The following TKT variants were observed in gnomAD, a reference collection of about 807,000 sequenced individuals.
TKT encodes the protein transketolase.
TKT carries 47 observed loss-of-function variants against 63.9 expected under a neutral mutation model. The observed-to-expected ratio is 0.74, with a 90% CI of 0.58 to 0.94. The LOEUF (loss-of-function observed/expected upper bound fraction) is 0.94, where lower values mean the gene tolerates loss of function less well. TKT is among the 40% of genes least tolerant of loss of function. The pLI is 0.00. For missense variants in TKT, 721 were observed against 846.2 expected (o/e 0.85, Z 1.84); for synonymous variants, 338 against 334.1 (o/e 1.01, Z -0.13).
chr3:53,226,082 G>GT (rs138972486), intron 13 of TKT, 151 bp from the exon 14 acceptor site: 105,908 of 636,620 alleles, frequency 0.17, 8,835 homozygotes, highest in South Asian at 0.24. Context: ...ATAACTCATT[G>GT]ATTTTTTTTA....
intron 5 of TKT, 120 bp downstream of exon 5, chr3:53,234,862 AG>A (rs1168230270): frequency 2.0e-6 from 2 of 997,366 alleles, no homozygotes; most frequent in Non-Finnish European, 2.8e-6. Flanking sequence ...TGCTAAAGAA[AG>A]GGACCTTTAG....
intron 12 of TKT, 58 bp from the exon 13 acceptor site, chr3:53,226,936 T>C (rs1377764159): frequency 2.5e-5 from 39 of 1,546,876 alleles, no homozygotes; most frequent in Non-Finnish European, 3.2e-5. Flanking sequence ...CTATCTGCCC[T>C]GGTGGGGGCC....
rs200391494 is a variant in TKT at position 53,228,090 on chromosome 3, G to C, written c.1539C>G (p.His513Gln). The change falls in exon 12 of 14, where the codon CAC (histidine) becomes CAG (glutamine). Residue 513 changes from histidine to glutamine, a missense_variant. Transcript: ENST00000462138. The part of the protein sequence containing the change: ...VTVIGAGVTL[H>Q]EALAAAELLK... ...GCAGTTCGGCAGCGGCCAAGGCCTC[G>C]TGCAGGGTCACCCCAGCCCCGATAA... 113 of 1,613,446 alleles carry C rather than the reference G, an allele frequency of 7.0e-5. No homozygotes were observed. The East Asian group carries it at 1.6e-3, about 24-fold the overall frequency.
intron 1 of TKT, among the ~76,000 whole-genome samples, chr3:53,244,765 G>GAC (rs1705433702): frequency 6.6e-6 from 1 of 152,004 alleles, no homozygotes; most frequent in East Asian, 1.9e-4. Context: ...TGCTGTGTGT[G>GAC]ACAACTCTGG....
In TKT at chr3:53,247,871, C is replaced by T. The variant is rs113389929; in HGVS notation, c.108-5629G>A. ...TCTAAAATAGCTCTTCTTCCCCTCA[C>T]TCATGCTTGCCACCTGACATTAGGT... On this transcript the variant is annotated intron_variant, in intron 1 of 13. Coordinates refer to ENST00000462138, the MANE Select transcript of TKT (RefSeq NM_001064.4). Among the ~76,000 whole-genome samples, 784 of 152,220 alleles carry T rather than the reference C, an allele frequency of 5.2e-3. 10 individuals are homozygous for T. The highest frequency in any genetic ancestry group is 0.018 in the African/African-American group (738 of 41,518).
intron 12 of TKT, chr3:53,227,199 A>C (rs1479234252): frequency 8.0e-6 from 2 of 250,598 alleles, no homozygotes; most frequent in Admixed American, 1.0e-4. Context: ...AAAACACCCC[A>C]GGTGTCTGGC....
rs139845255 is a variant in TKT, at chr3:53,240,262, G to A, written c.426C>T (p.Phe142=). The change falls in exon 4 of 14, where the codon TTC becomes TTT. Residue 142 remains phenylalanine (F), a synonymous_variant. Transcript: ENST00000462138. The part of the protein sequence containing the change: ...ACGMAYTGKY[F]DKASYRVYCL... Reference sequence around the variant, plus strand: ...AGTAGGTGTGTTACCTGGCCTTGTCGAAGTATTTGCCGGTGTAGGCCATCC... The same window carrying A: ...AGTAGGTGTGTTACCTGGCCTTGTCAAAGTATTTGCCGGTGTAGGCCATCC... 1.4e-5 allele frequency: 23 copies of A among 1,612,618 alleles called. No individual in the cohort carries two copies. Among genetic ancestry groups the A allele is most frequent in the African/African-American group, 8.0e-5 (6 of 75,050 alleles).
rs569259695 is a variant in TKT at position 53,224,828 on chromosome 3, G to C, written c.*928C>G. On this transcript the variant is annotated 3_prime_UTR_variant, in exon 14 of 14. Transcript: ENST00000462138. ...TTTCCTGGGGACTCCACCAGTGGCC[G>C]GGGCACCCAGCCCTCCTCCCCCAGC... 1 of 152,488 alleles carries C rather than the reference G, an allele frequency of 6.6e-6. No homozygotes were observed. The highest frequency in any genetic ancestry group is 2.4e-5 in the African/African-American group (1 of 41,458). 9.4% of individuals were successfully genotyped at this position (152,488 alleles called of 1,614,324 possible).
At chr3:53,241,385 C>G (rs970980612) in intron 2 of TKT, 140 bp from the exon 3 acceptor site, 13 of 671,882 alleles carry the variant, frequency 1.9e-5, no homozygotes, top group Non-Finnish European at 3.2e-5. Flanking sequence ...CAAGTGAAGG[C>G]CACTTCTCCC....
chr3:53,236,715 C>T (rs941456690), intron 4 of TKT, among the ~76,000 whole-genome samples: 6 of 152,190 alleles, frequency 3.9e-5, no homozygotes, highest in Non-Finnish European at 7.3e-5. Flanking sequence ...GAAGTCGAAC[C>T]GAGGCTAGCA....
At chr3:53,226,024 G>A in intron 13 of TKT, 93 bp from the exon 14 acceptor site, 2 of 1,245,514 alleles carry the variant, frequency 1.6e-6, no homozygotes. Context: ...GGATGGAGGA[G>A]GCTGCATATG....
At chr3:53,247,150 A>G (rs1458182363) in intron 1 of TKT, among the ~76,000 whole-genome samples, 20 of 151,810 alleles carry the variant, frequency 1.3e-4, no homozygotes, top group African/African-American at 4.8e-4. Flanking sequence ...TGAGGTCAGG[A>G]GTCTGAGACC....
chr3:53,234,570 C>T (rs1264712425), intron 5 of TKT: 1 of 155,842 alleles, frequency 6.4e-6, no homozygotes, highest in Non-Finnish European at 1.4e-5. Flanking sequence ...GCCTGTTCCT[C>T]CTCCCCAGGC....
chr3:53,225,935 G>C lies in TKT; in HGVS notation c.1697-4C>G, dbSNP rs1553675387. The C allele has an allele frequency of 6.2e-7, 1 of 1,603,996 alleles. No individual in the cohort carries two copies. The highest frequency in any genetic ancestry group is 1.1e-5 in the South Asian group (1 of 90,462). Reference sequence around the variant, plus strand: ...GACACAGCCTCACCAATGCCACCTAGAAATGAAAGGAGGGGAGTCAGAAGA... The same window carrying C: ...GACACAGCCTCACCAATGCCACCTACAAATGAAAGGAGGGGAGTCAGAAGA... On this transcript the variant is annotated splice_polypyrimidine_tract_variant and splice_region_variant and intron_variant, in intron 13 of 13. Coordinates refer to ENST00000462138, the MANE Select transcript of TKT (RefSeq NM_001064.4).
At chr3:53,240,182 G>A in intron 4 of TKT, 69 bp downstream of exon 4, 4 of 1,458,720 alleles carry the variant, frequency 2.7e-6, no homozygotes, top group Non-Finnish European at 2.9e-6. Context: ...GGGCGATGGT[G>A]AAGGGTGGGT....
At chr3:53,254,557 A>T (rs1418109589) in intron 1 of TKT, among the ~76,000 whole-genome samples, 1 of 152,224 alleles carries the variant, frequency 6.6e-6, no homozygotes, top group Non-Finnish European at 1.5e-5. Flanking sequence ...AGAAGCCAGA[A>T]TCTTGTCTGT....
chr3:53,234,962 A>G (rs966833148), intron 5 of TKT, 21 bp downstream of exon 5: 19 of 1,588,114 alleles, frequency 1.2e-5, no homozygotes, highest in Non-Finnish European at 1.6e-5. Flanking sequence ...GACCACACTC[A>G]GGCCACAGCC....
In TKT at chr3:53,242,012, C is replaced by T. The variant is rs933115217; in HGVS notation, c.225+113G>A. The T allele has an allele frequency of 3.2e-5, 31 of 966,820 alleles. No individual in the cohort carries two copies. The Admixed American group carries it at 5.4e-4, about 17-fold the overall frequency. 59.9% of individuals were successfully genotyped at this position (966,820 alleles called of 1,614,324 possible). A position where few individuals can be genotyped will look rare whatever the true frequency, so the allele number is the denominator to read the frequency against. ...GGCCAGGACGAGCAGGGAGAAGGCACCTGGGAGAGGTGGGCCCAGCCAGGT... is the reference window on the plus strand; with the variant it reads ...GGCCAGGACGAGCAGGGAGAAGGCATCTGGGAGAGGTGGGCCCAGCCAGGT... On this transcript the variant is annotated intron_variant, in intron 2 of 13. Coordinates refer to ENST00000462138, the MANE Select transcript of TKT (RefSeq NM_001064.4).
chr3:53,232,431 G>A, intron 6 of TKT: 1 of 398,930 alleles, frequency 2.5e-6, no homozygotes, highest in Admixed American at 4.4e-5. Flanking sequence ...AGAGCAGGCA[G>A]GTGGGCAGCC....
Sources: allele counts gnomAD v4.1 joint callset (sites outside exome capture counted in the v4.1 genomes callset), GRCh38; gene constraint gnomAD v4.1.1; transcripts MANE v1.5; gene names NCBI Gene and HGNC (gene_info 2026-07-23, HGNC 2026-07-21).